CTNNBL1: variants seen among roughly 807,000 people sequenced by gnomAD.
The protein encoded by CTNNBL1 is catenin beta like 1.
Under a neutral mutation model 72.7 loss-of-function variants are expected in CTNNBL1, and 31 were observed. The observed-to-expected ratio is 0.43, with a 90% CI of 0.32 to 0.58. The LOEUF is 0.58. CTNNBL1 is among the 20% of genes least tolerant of loss of function. The pLI is 0.08. For missense variants in CTNNBL1, 534 were observed against 725.1 expected (o/e 0.74, Z 3.03); for synonymous variants, 240 against 267.3 (o/e 0.90, Z 1.00).
chr20:37,840,265 T>C, intron 12 of CTNNBL1, 66 bp downstream of exon 12: 2 of 1,198,654 alleles, frequency 1.7e-6, no homozygotes, highest in Non-Finnish European at 2.5e-6. Context: ...CCTGATGTGA[T>C]CTGAGGGATA....
intron 11 of CTNNBL1, among the ~76,000 whole-genome samples, chr20:37,819,474 TGTACCACTGTCATTG>T (rs1457034069): frequency 6.6e-6 from 1 of 152,226 alleles, no homozygotes; most frequent in Admixed American, 6.5e-5. Flanking sequence ...CTGTCATACC[TGTACCACTGTCATTG>T]GTATACCTGA....
At chr20:37,788,706 T>A (rs1354293455) in intron 10 of CTNNBL1, among the ~76,000 whole-genome samples, 1 of 152,266 alleles carries the variant, frequency 6.6e-6, no homozygotes, top group East Asian at 1.9e-4. Context: ...CTTCTTCCGT[T>A]ATCCTCCCAG....
intron 13 of CTNNBL1, among the ~76,000 whole-genome samples, chr20:37,850,082 C>G (rs1049861026): frequency 6.6e-6 from 1 of 152,180 alleles, no homozygotes; most frequent in South Asian, 2.1e-4. Flanking sequence ...CTTACTTTCT[C>G]CTTTTCTCCA....
chr20:37,727,028 A>G (rs1412658008), intron 1 of CTNNBL1, among the ~76,000 whole-genome samples: 1 of 152,120 alleles, frequency 6.6e-6, no homozygotes, highest in Non-Finnish European at 1.5e-5. Context: ...GGTTGCTTTC[A>G]TAGTGGAGTT....
Position 37,707,940 on chromosome 20 carries a change from AG to A in CTNNBL1, c.30+13789del, listed in dbSNP as rs1169512412. ...TAGGGAGACCTGAGGAGAGAGAGAGAGAGAGAGAAAGAGGAAAGGCTGGTTG... is the reference window on the plus strand; with the variant it reads ...TAGGGAGACCTGAGGAGAGAGAGAGAAGAGAGAAAGAGGAAAGGCTGGTTG... On this transcript the variant is annotated intron_variant, in intron 1 of 15. Coordinates refer to ENST00000361383, the MANE Select transcript of CTNNBL1 (RefSeq NM_030877.5). Among the ~76,000 whole-genome samples, 4 of 152,088 alleles carry A rather than the reference AG, an allele frequency of 2.6e-5. No individual in the cohort carries two copies. In the East Asian group the frequency reaches 7.7e-4, roughly 29 times the overall value.
At chr20:37,837,886 T>G (rs1022881544) in intron 11 of CTNNBL1, among the ~76,000 whole-genome samples, 3 of 151,808 alleles carry the variant, frequency 2.0e-5, no homozygotes, top group African/African-American at 7.3e-5. Context: ...TTCAGGGAAT[T>G]TGTATTCTAA....
chr20:37,811,245 A>G (rs1421799079), intron 11 of CTNNBL1, among the ~76,000 whole-genome samples: 1 of 152,166 alleles, frequency 6.6e-6, no homozygotes, highest in Non-Finnish European at 1.5e-5. Flanking sequence ...TCTAAGCTAT[A>G]AACAGAGGAT....
intron 1 of CTNNBL1, among the ~76,000 whole-genome samples, chr20:37,706,615 C>T (rs12624423): frequency 0.17 from 26,303 of 152,142 alleles, 2,454 homozygotes; most frequent in Non-Finnish European, 0.21. Context: ...GTTAGTTCTT[C>T]CACTGAAATC....
At chr20:37,817,263 G>T (rs1334248935) in intron 11 of CTNNBL1, among the ~76,000 whole-genome samples, 2 of 152,166 alleles carry the variant, frequency 1.3e-5, no homozygotes, top group African/African-American at 4.8e-5. Flanking sequence ...AGTACCTTTA[G>T]CTGTTTTAGA....
intron 5 of CTNNBL1, 78 bp from the exon 6 acceptor site, chr20:37,765,119 A>T: frequency 3.3e-6 from 3 of 906,134 alleles, no homozygotes; most frequent in Non-Finnish European, 5.4e-6. Context: ...AATAGTGGAG[A>T]AGTAAGTATG....
At chr20:37,779,701 A>G (rs111981363) in intron 10 of CTNNBL1, among the ~76,000 whole-genome samples, 18 of 152,098 alleles carry the variant, frequency 1.2e-4, no homozygotes, top group African/African-American at 4.3e-4. Flanking sequence ...ACATAGACCT[A>G]TCTATGCCAT....
chr20:37,826,982 A>T (rs2072166052), intron 11 of CTNNBL1, among the ~76,000 whole-genome samples: 1 of 152,326 alleles, frequency 6.6e-6, no homozygotes, highest in African/African-American at 2.4e-5. Flanking sequence ...GCATTCTCTC[A>T]TGCCCCTTCC....
chr20:37,771,831 G>A (rs971033683), intron 7 of CTNNBL1, among the ~76,000 whole-genome samples: 1 of 152,192 alleles, frequency 6.6e-6, no homozygotes, highest in Non-Finnish European at 1.5e-5. Context: ...TCGATATTAA[G>A]TGCCTTGCCC....
intron 11 of CTNNBL1, among the ~76,000 whole-genome samples, chr20:37,816,620 GTA>G (rs1459767688): frequency 6.6e-6 from 1 of 152,114 alleles, no homozygotes; most frequent in East Asian, 1.9e-4. Context: ...GTTGTGGTGT[GTA>G]TTACATTCAT....
At position 37,806,596 on chromosome 20, in the gene CTNNBL1, C is replaced by T. The variant is rs139297907; in HGVS notation, c.1213+3548C>T. 4.9e-3 allele frequency among the ~76,000 whole-genome samples: 739 copies of T among 152,206 alleles called. 1 individual carries two copies. Among genetic ancestry groups the T allele is most frequent in the Non-Finnish European group, 7.1e-3 (484 of 68,008 alleles). On this transcript the variant is annotated intron_variant, in intron 11 of 15. Transcript: ENST00000361383. ...ATTTATGAGGGGAGTCAAGTGCATG[C>T]GCAATGGGTAAACATATGTAACACA...
At chr20:37,779,461 A>T in intron 10 of CTNNBL1, 126 bp downstream of exon 10, 2 of 1,074,606 alleles carry the variant, frequency 1.9e-6, no homozygotes, top group Non-Finnish European at 2.7e-6. Context: ...CCTGAAGAGT[A>T]AAGTCTTCAG....
intron 4 of CTNNBL1, among the ~76,000 whole-genome samples, chr20:37,749,051 C>T (rs1274721012): frequency 6.6e-6 from 1 of 152,146 alleles, no homozygotes; most frequent in Non-Finnish European, 1.5e-5. Flanking sequence ...AGCTCAGTAC[C>T]TTGTTTGTTT....
At chr20:37,811,286 A>AT (rs1034002376) in intron 11 of CTNNBL1, among the ~76,000 whole-genome samples, 9 of 152,320 alleles carry the variant, frequency 5.9e-5, no homozygotes, top group African/African-American at 2.2e-4. Context: ...CCCTGTGCCC[A>AT]TATTTGTATT....
intron 5 of CTNNBL1, 35 bp downstream of exon 5, chr20:37,757,691 G>A (rs376939044): frequency 9.0e-6 from 14 of 1,549,104 alleles, no homozygotes; most frequent in Middle Eastern, 1.7e-4. Context: ...TTGCAGGTTT[G>A]TATAAGTTGT....
Sources: allele counts gnomAD v4.1 joint callset (sites outside exome capture counted in the v4.1 genomes callset), GRCh38; gene constraint gnomAD v4.1.1; transcripts MANE v1.5; gene names NCBI Gene and HGNC (gene_info 2026-07-23, HGNC 2026-07-21).